AVL9: variants seen among roughly 807,000 people sequenced by gnomAD.
AVL9 encodes the protein AVL9 cell migration associated.
A neutral mutation model predicts 79.2 loss-of-function variants in AVL9; 49 were observed. That is an observed-to-expected ratio of 0.62 (90% CI 0.49 to 0.79). The LOEUF (loss-of-function observed/expected upper bound fraction) is 0.79. Ranked by LOEUF, AVL9 falls within the 30% of genes least tolerant of loss-of-function variation. AVL9 has a pLI of 0.00. For missense variants in AVL9, 682 were observed against 776.8 expected (o/e 0.88, Z 1.45); for synonymous variants, 299 against 280.6 (o/e 1.07, Z -0.65).
rs563664593 is a variant in AVL9, at chr7:32,571,650, GTATT to G, written c.1350+1501_1350+1504del. On this transcript the variant is annotated intron_variant, in intron 11 of 15. Coordinates refer to ENST00000318709, the MANE Select transcript of AVL9 (RefSeq NM_015060.3). The stretch of plus-strand genomic sequence containing the variant: ...TAATGAAAGTCCAGGATTCAAAGAT[GTATT>G]TATTATAATCCCAAATTTGAAGAAG... 2.5e-4 allele frequency among the ~76,000 whole-genome samples: 36 copies of G among 144,746 alleles called. No homozygotes were observed. In the East Asian group the frequency reaches 5.7e-3, roughly 23 times the overall value. 95.0% of individuals were successfully genotyped at this position (144,746 alleles called of 152,430 possible). A position where few individuals can be genotyped will look rare whatever the true frequency, so the allele number is the denominator to read the frequency against.
Position 32,559,198 on chromosome 7 carries a change from A to C in AVL9, c.949A>C (p.Lys317Gln). ...QEPNDTNQYL[K>Q]PPSRPSPDSS... ...ACCCAATGATACCAATCAATATTTG[A>C]AACCTCCATCTCGCCCATCTCCAGA... Residue 317 changes from lysine to glutamine, a missense_variant, in exon 10 of 16, where the codon AAA becomes CAA. Coordinates refer to ENST00000318709, the MANE Select transcript of AVL9 (RefSeq NM_015060.3). The C allele has an allele frequency of 6.2e-7, 1 of 1,614,214 alleles. No individual in the cohort carries two copies. Among genetic ancestry groups the C allele is most frequent in the Non-Finnish European group, 8.5e-7 (1 of 1,180,040 alleles).
At chr7:32,545,651 A>T (rs563339672) in intron 3 of AVL9, among the ~76,000 whole-genome samples, 11 of 152,196 alleles carry the variant, frequency 7.2e-5, no homozygotes, top group Non-Finnish European at 1.5e-4. Context: ...CACTGTGTCC[A>T]GCCTTGATTA....
intron 15 of AVL9, 79 bp downstream of exon 15, chr7:32,580,969 CA>C: frequency 9.1e-7 from 1 of 1,093,704 alleles, no homozygotes; most frequent in Non-Finnish European, 1.4e-6. Flanking sequence ...ATTGATAAAA[CA>C]AACATAAAGT....
intron 3 of AVL9, among the ~76,000 whole-genome samples, chr7:32,547,424 A>G (rs944571138): frequency 1.3e-5 from 2 of 152,220 alleles, no homozygotes; most frequent in African/African-American, 2.4e-5. Flanking sequence ...TGTGAGATGA[A>G]TTGAGCTGCT....
At chr7:32,568,976 C>G (rs2128147558) in intron 10 of AVL9, among the ~76,000 whole-genome samples, 1 of 152,262 alleles carries the variant, frequency 6.6e-6, no homozygotes. Flanking sequence ...TATATTCCAA[C>G]TTTTGGAAGT....
chr7:32,507,518 G>A (rs940563802), intron 1 of AVL9, among the ~76,000 whole-genome samples: 1 of 152,106 alleles, frequency 6.6e-6, no homozygotes, highest in African/African-American at 2.4e-5. Context: ...GTGCTTTTGT[G>A]TTCGGCTTCT....
intron 1 of AVL9, chr7:32,534,308 T>G (rs188783918): frequency 2.4e-4 from 36 of 152,328 alleles, no homozygotes; most frequent in Middle Eastern, 3.4e-3. Flanking sequence ...ATTTGAAATT[T>G]GTGTGATTTA....
intron 1 of AVL9, among the ~76,000 whole-genome samples, chr7:32,510,055 A>G (rs536880356): frequency 6.6e-6 from 1 of 152,348 alleles, no homozygotes; most frequent in African/African-American, 2.4e-5. Context: ...GGGAATCCAC[A>G]GTCCTGGCAA....
At chr7:32,501,766 A>G (rs1015760227) in intron 1 of AVL9, among the ~76,000 whole-genome samples, 3 of 152,164 alleles carry the variant, frequency 2.0e-5, no homozygotes, top group Non-Finnish European at 2.9e-5. Flanking sequence ...ATACTTATAC[A>G]CCATGAGTAA....
intron 3 of AVL9, among the ~76,000 whole-genome samples, chr7:32,545,764 A>T (rs1230663466): frequency 3.3e-5 from 5 of 152,160 alleles, no homozygotes; most frequent in Non-Finnish European, 7.4e-5. Context: ...TGGTTTGCTT[A>T]TGTGTAGCAC....
chr7:32,553,589 T>C (rs566105418), intron 6 of AVL9, 138 bp from the exon 7 acceptor site: 1 of 638,184 alleles, frequency 1.6e-6, no homozygotes, highest in Admixed American at 2.8e-5. Context: ...TAATCAAACA[T>C]TACAGAAATA....
chr7:32,497,872 C>T (rs1292630191), intron 1 of AVL9, among the ~76,000 whole-genome samples: 2 of 152,012 alleles, frequency 1.3e-5, no homozygotes, highest in African/African-American at 2.4e-5. Context: ...AGGATGGTCT[C>T]GATCTCCTTA....
At chr7:32,505,529 A>C (rs1375110602) in intron 1 of AVL9, among the ~76,000 whole-genome samples, 1 of 151,932 alleles carries the variant, frequency 6.6e-6, no homozygotes, top group East Asian at 1.9e-4. Context: ...GTCTCAAAAA[A>C]AAAAAAGAAA....
At chr7:32,499,166 G>A (rs113971113) in intron 1 of AVL9, among the ~76,000 whole-genome samples, 2,484 of 151,790 alleles carry the variant, frequency 0.016, 67 homozygotes, top group African/African-American at 0.057. Context: ...GTCTCAAAAC[G>A]AAACAAAACA....
At chr7:32,569,601 T>C (rs1386515559) in intron 10 of AVL9, among the ~76,000 whole-genome samples, 2 of 152,242 alleles carry the variant, frequency 1.3e-5, no homozygotes, top group Non-Finnish European at 1.5e-5. Context: ...CTAATAGTGC[T>C]TCGGTGGTTA....
chr7:32,566,996 CTTTG>C (rs1373926986), intron 10 of AVL9, among the ~76,000 whole-genome samples: 29 of 152,322 alleles, frequency 1.9e-4, no homozygotes, highest in South Asian at 6.2e-4. Flanking sequence ...GTAGCCATTT[CTTTG>C]TTTGGCTTTT....
At chr7:32,551,183 A>C (rs1415712323) in intron 4 of AVL9, 151 bp from the exon 5 acceptor site, 3 of 579,880 alleles carry the variant, frequency 5.2e-6, no homozygotes, top group Non-Finnish European at 9.2e-6. Context: ...ACGGCTTTCA[A>C]CTATGAATAA....
intron 1 of AVL9, among the ~76,000 whole-genome samples, chr7:32,503,373 T>TAGATATAGAGAGATATACACACACAC (rs1554332720): frequency 3.8e-5 from 4 of 105,798 alleles, no homozygotes; most frequent in Admixed American, 1.2e-4. Flanking sequence ...TATATATATA[T>TAGATATAGAGAGATATACACACACAC]ACACACACAC....
chr7:32,569,378 T>C (rs927810163), intron 10 of AVL9, among the ~76,000 whole-genome samples: 4 of 152,196 alleles, frequency 2.6e-5, no homozygotes, highest in Non-Finnish European at 4.4e-5. Flanking sequence ...ATTTTTTCTA[T>C]ACTTAGATGC....
Sources: allele counts gnomAD v4.1 joint callset (sites outside exome capture counted in the v4.1 genomes callset), GRCh38; gene constraint gnomAD v4.1.1; transcripts MANE v1.5; gene names NCBI Gene and HGNC (gene_info 2026-07-23, HGNC 2026-07-21).